EYA1: variants seen among roughly 807,000 people sequenced by gnomAD.
The protein encoded by EYA1 is protein phosphatase EYA1.
In EYA1, 16 loss-of-function variants were observed where a neutral mutation model predicts 82.0. The ratio of observed to expected loss-of-function variants is 0.20; its 90% CI spans 0.13 to 0.30. The LOEUF is 0.30. Among genes scored for constraint, EYA1 ranks in the 10% least tolerant of loss-of-function variants. EYA1 has a pLI of 1.00. For synonymous variants in EYA1, 261 were observed against 264.4 expected (o/e 0.99, Z 0.12); for missense variants, 633 against 730.7 (o/e 0.87, Z 1.54).
Position 71,338,763 on chromosome 8 carries a change from C to T in EYA1, c.125-4589G>A, listed in dbSNP as rs764476460. 3.5e-4 allele frequency among the ~76,000 whole-genome samples: 54 copies of T among 152,212 alleles called. 1 individual carries two copies. The highest frequency in any genetic ancestry group is 2.1e-4 in the Non-Finnish European group (14 of 68,048). On this transcript the variant is annotated intron_variant, in intron 3 of 17. Coordinates refer to ENST00000340726, the MANE Select transcript of EYA1 (RefSeq NM_000503.6). ...ACAGTACTGCCTGCTGGACTAGGAGCCAGCCTGTGTGTTACAAATAATTCA... is the reference window on the plus strand; with the variant it reads ...ACAGTACTGCCTGCTGGACTAGGAGTCAGCCTGTGTGTTACAAATAATTCA...
chr8:71,515,186 A>C (rs1563692989), intron 2 of EYA1, among the ~76,000 whole-genome samples: 1 of 152,110 alleles, frequency 6.6e-6, no homozygotes, highest in Non-Finnish European at 1.5e-5. Flanking sequence ...TGTCTCATGT[A>C]TTTCTTACAA....
chr8:71,260,212 CATAAT>C (rs1814931322), intron 11 of EYA1, among the ~76,000 whole-genome samples: 3 of 152,106 alleles, frequency 2.0e-5, no homozygotes, highest in Admixed American at 6.6e-5. Context: ...TAAGTAAACA[CATAAT>C]ATAAATTGTC....
chr8:71,223,771 T>C (rs1810234777), intron 12 of EYA1, among the ~76,000 whole-genome samples: 1 of 152,224 alleles, frequency 6.6e-6, no homozygotes, highest in Admixed American at 6.5e-5. Context: ...GCCACAGACA[T>C]GTTCTTTTGG....
chr8:71,518,638 T>G (rs1022633279), intron 2 of EYA1, among the ~76,000 whole-genome samples: 5 of 152,104 alleles, frequency 3.3e-5, no homozygotes, highest in Non-Finnish European at 7.4e-5. Flanking sequence ...GTTTTACAAC[T>G]TCAGCAATGA....
chr8:71,247,187 C>G (rs1813209679), intron 11 of EYA1, among the ~76,000 whole-genome samples: 1 of 151,986 alleles, frequency 6.6e-6, no homozygotes, highest in Non-Finnish European at 1.5e-5. Context: ...ACCCACATCC[C>G]TACAGTACAT....
At chr8:71,263,548 C>G (rs966363748) in intron 11 of EYA1, among the ~76,000 whole-genome samples, 7 of 152,158 alleles carry the variant, frequency 4.6e-5, no homozygotes, top group African/African-American at 1.7e-4. Flanking sequence ...GGGCCCCAGG[C>G]GCATGTATGC....
intron 2 of EYA1, among the ~76,000 whole-genome samples, chr8:71,396,329 G>T (rs1202176298): frequency 6.6e-6 from 1 of 152,024 alleles, no homozygotes; most frequent in Non-Finnish European, 1.5e-5. Context: ...CTTGTCTTCT[G>T]CTAGCTTTTG....
chr8:71,201,822 C>A (rs540383027), intron 17 of EYA1, among the ~76,000 whole-genome samples: 1 of 152,108 alleles, frequency 6.6e-6, no homozygotes, highest in African/African-American at 2.4e-5. Flanking sequence ...ATTTAACCAC[C>A]TACTTGGTAT....
intron 2 of EYA1, among the ~76,000 whole-genome samples, chr8:71,436,655 G>GA (rs369620868): frequency 4.4e-4 from 67 of 152,252 alleles, no homozygotes; most frequent in African/African-American, 1.6e-3. Context: ...GATGAGTTCA[G>GA]AGAGATTTTC....
In EYA1 at chr8:71,302,897, TC is replaced by T. The variant is rs1451273567; in HGVS notation, c.557-3178del. Among the ~76,000 whole-genome samples, 3 of 142,060 alleles carry T rather than the reference TC, an allele frequency of 2.1e-5. 1 individual carries two copies. Among genetic ancestry groups the T allele is most frequent in the African/African-American group, 7.5e-5 (3 of 40,198 alleles). The allele number at this position is 142,060 out of a possible 152,430, so 93.2% of individuals were successfully genotyped here. ...GCTAAAAAAAGTAACTTTTAATGGCTCCCTGTTGCCCTCAGGATAATATTCA... is the reference window on the plus strand; with the variant it reads ...GCTAAAAAAAGTAACTTTTAATGGCTCCTGTTGCCCTCAGGATAATATTCA... On this transcript the variant is annotated intron_variant, in intron 7 of 17. Transcript: ENST00000340726.
chr8:71,541,334 G>A (rs1039691289), intron 1 of EYA1, among the ~76,000 whole-genome samples: 1 of 152,132 alleles, frequency 6.6e-6, no homozygotes, highest in African/African-American at 2.4e-5. Context: ...TCATTTACTG[G>A]TACTGCTGAT....
chr8:71,271,959 C>T, intron 9 of EYA1, 62 bp from the exon 10 acceptor site: 5 of 1,590,322 alleles, frequency 3.1e-6, no homozygotes, highest in Non-Finnish European at 4.3e-6. Context: ...CAAGATTAGC[C>T]TTGTTTTAAT....
chr8:71,498,052 C>T (rs2129233477), intron 2 of EYA1, among the ~76,000 whole-genome samples: 1 of 150,860 alleles, frequency 6.6e-6, no homozygotes, highest in Admixed American at 6.6e-5. Context: ...TGGTTGGGGG[C>T]AGAGTGGAGG....
At chr8:71,289,998 T>C (rs1341533699) in intron 9 of EYA1, among the ~76,000 whole-genome samples, 1 of 152,130 alleles carries the variant, frequency 6.6e-6, no homozygotes, top group Non-Finnish European at 1.5e-5. Flanking sequence ...GCAAAGAATA[T>C]GAAACCAAGG....
intron 16 of EYA1, among the ~76,000 whole-genome samples, chr8:71,212,583 A>G (rs1315634582): frequency 6.6e-6 from 1 of 152,202 alleles, no homozygotes. Flanking sequence ...TCTATCTCCT[A>G]TTGGGCTCAT....
chr8:71,221,020 T>A (rs1249351442), intron 12 of EYA1, among the ~76,000 whole-genome samples: 1 of 152,252 alleles, frequency 6.6e-6, no homozygotes, highest in Non-Finnish European at 1.5e-5. Flanking sequence ...ATTAAAATCA[T>A]GGTAAATCCT....
chr8:71,329,111 C>A (rs551320396), intron 4 of EYA1, among the ~76,000 whole-genome samples: 2 of 152,192 alleles, frequency 1.3e-5, no homozygotes, highest in Admixed American at 6.5e-5. Flanking sequence ...ACTACAGAGG[C>A]ATGTGGTGAA....
intron 7 of EYA1, among the ~76,000 whole-genome samples, chr8:71,304,192 A>G (rs1239608881): frequency 7.0e-6 from 1 of 142,718 alleles, no homozygotes; most frequent in East Asian, 2.1e-4. Context: ...TTGAGTGCTT[A>G]CATTGAGCCA....
At chr8:71,318,152 C>T (rs1350893987) in intron 6 of EYA1, among the ~76,000 whole-genome samples, 3 of 151,800 alleles carry the variant, frequency 2.0e-5, no homozygotes, top group East Asian at 1.9e-4. Context: ...AGTATTTTTC[C>T]CTCCTTTACT....
Sources: gnomAD v4.1 joint callset for allele counts (sites outside exome capture counted in the v4.1 genomes callset) on GRCh38, gnomAD v4.1.1 for gene constraint, MANE v1.5 for transcripts, NCBI Gene and HGNC (gene_info 2026-07-23, HGNC 2026-07-21) for gene names.